BICRA: variants seen among roughly 807,000 people sequenced by gnomAD.
The protein encoded by BICRA is BRD4-interacting chromatin-remodeling complex-associated protein.
A neutral mutation model predicts 96.9 loss-of-function variants in BICRA; 31 were observed. That is an observed-to-expected ratio of 0.32 (90% confidence interval 0.24 to 0.43). The LOEUF is 0.43. BICRA is among the 20% of genes least tolerant of loss of function. The probability of loss-of-function intolerance (pLI) is 1.00; values close to 1 mark genes in which losing one functional copy is unlikely to be tolerated. For synonymous variants in BICRA, 1,350 were observed against 1,071.8 expected, an observed-to-expected ratio of 1.26 and a Z score of -5.07; for missense variants, 2,283 against 2,190.3, an observed-to-expected ratio of 1.04 and a Z score of -0.84.
chr19:47,608,716 G>A (rs1055952619), upstream of BICRA, among the ~76,000 whole-genome samples: 2 of 151,626 alleles, frequency 1.3e-5, no homozygotes, highest in African/African-American at 2.4e-5. Context: ...CCAGTCCCCG[G>A]ACGTCCGCAG....
Position 47,682,148 on chromosome 19 carries a change from C to A in BICRA, c.2279C>A (p.Pro760His), listed in dbSNP as rs747395182. Residue 760 changes from proline to histidine, a missense_variant, in exon 7 of 15, where the codon CCC becomes CAC. Coordinates refer to ENST00000594866, the MANE Select transcript of BICRA (RefSeq NM_001394372.1). ...AGCCAGGCTTCCCCGGCTCCGGCCC[C>A]CCAGGTAGAGGGACCCCAGCAGCCT... Reference protein sequence around the residue: ...PDSQASPAPAPQIPAAAPLKG... With the variant: ...PDSQASPAPAHQIPAAAPLKG... The A allele has an allele frequency of 6.9e-7, 1 of 1,445,974 alleles. No homozygotes were observed. 89.6% of individuals were successfully genotyped at this position (1,445,974 alleles called of 1,614,324 possible). A position where few individuals can be genotyped will look rare whatever the true frequency, so the allele number is the denominator to read the frequency against.
intron 9 of BICRA, 23 bp from the exon 10 acceptor site, chr19:47,695,342 T>TCGGGGGGGGGCCCCCC: frequency 4.8e-6 from 3 of 630,200 alleles, no homozygotes; most frequent in Non-Finnish European, 8.5e-6. Context: ...AGGCCCTGTC[T>TCGGGGGGGGGCCCCCC]CCCCCACCCC....
rs955087221 is a variant in BICRA at position 47,616,982 on chromosome 19, C to T, written c.-108+7814C>T. Among the ~76,000 whole-genome samples the T allele has an allele frequency of 4.6e-5, 7 of 152,006 alleles. No individual in the cohort carries two copies. In the East Asian group the frequency reaches 5.8e-4, roughly 13 times the overall value. The stretch of plus-strand genomic sequence containing the variant: ...TAGCTATGGCTACAGATGTGGGCCA[C>T]GACACCCAGCTAATTTTGTATATTT... On this transcript the variant is annotated intron_variant, in intron 1 of 14. Coordinates refer to ENST00000594866, the MANE Select transcript of BICRA (RefSeq NM_001394372.1).
chr19:47,669,181 G>A (rs1413691321), intron 1 of BICRA, among the ~76,000 whole-genome samples: 2 of 152,112 alleles, frequency 1.3e-5, no homozygotes, highest in Admixed American at 6.5e-5. Flanking sequence ...TAAGGGCAGT[G>A]AGGCTGTGAT....
chr19:47,624,733 C>T (rs558453846), intron 1 of BICRA, among the ~76,000 whole-genome samples: 34 of 151,564 alleles, frequency 2.2e-4, no homozygotes, highest in African/African-American at 8.0e-4. Flanking sequence ...CTCATTCTGT[C>T]GCCCAGGCTG....
chr19:47,647,699 T>C (rs1208114243), intron 1 of BICRA, among the ~76,000 whole-genome samples: 1 of 152,070 alleles, frequency 6.6e-6, no homozygotes, highest in Non-Finnish European at 1.5e-5. Context: ...CGCCTGCCTC[T>C]GTTGCTGGTT....
intron 1 of BICRA, among the ~76,000 whole-genome samples, chr19:47,635,484 C>T (rs1972287634): frequency 6.6e-6 from 1 of 151,636 alleles, no homozygotes; most frequent in Non-Finnish European, 1.5e-5. Flanking sequence ...AACTCCTGGG[C>T]TCAAGCTATC....
chr19:47,614,073 C>T lies in BICRA; in HGVS notation c.-108+4905C>T, dbSNP rs145523195. On this transcript the variant is annotated intron_variant, in intron 1 of 14. Transcript: ENST00000594866. ...CACAGTCCAGGAGGAGGAGAGAGAA[C>T]GGTTGGATTAGCCGCTGTGGGGTTT... is the stretch of plus-strand genomic sequence containing the variant. Among the ~76,000 whole-genome samples the T allele has an allele frequency of 3.8e-3, 576 of 151,730 alleles. 1 individual carries two copies. The highest frequency in any genetic ancestry group is 6.7e-3 in the Non-Finnish European group (453 of 67,956).
chr19:47,634,017 G>A (rs1350147805), intron 1 of BICRA, among the ~76,000 whole-genome samples: 1 of 152,228 alleles, frequency 6.6e-6, no homozygotes, highest in Non-Finnish European at 1.5e-5. Flanking sequence ...AGATCGTGGA[G>A]CCATGTGAAT....
intron 1 of BICRA, among the ~76,000 whole-genome samples, chr19:47,638,540 C>G (rs1228323397): frequency 6.6e-6 from 1 of 152,154 alleles, no homozygotes; most frequent in Non-Finnish European, 1.5e-5. Context: ...TTTGGGCCTC[C>G]TTTCAAAGAG....
chr19:47,687,492 C>G (rs1973176234), intron 7 of BICRA, among the ~76,000 whole-genome samples: 1 of 152,120 alleles, frequency 6.6e-6, no homozygotes, highest in South Asian at 2.1e-4. Flanking sequence ...TGTTAACAAA[C>G]AAAACTCCTA....
At chr19:47,619,199 T>TACATATATATATATAC (rs751345025) in intron 1 of BICRA, among the ~76,000 whole-genome samples, 1 of 33,852 alleles carries the variant, frequency 3.0e-5, no homozygotes, top group Admixed American at 3.9e-4. Context: ...TATGTATATA[T>TACATATATATATATAC]ACATATATAT....
At chr19:47,683,543 A>G (rs943989730) in intron 7 of BICRA, among the ~76,000 whole-genome samples, 3 of 150,948 alleles carry the variant, frequency 2.0e-5, no homozygotes, top group Admixed American at 6.6e-5. Flanking sequence ...AGTAATAACC[A>G]TTATGCTTAC....
chr19:47,630,356 T>A (rs932071674), intron 1 of BICRA, among the ~76,000 whole-genome samples: 5 of 151,726 alleles, frequency 3.3e-5, no homozygotes, highest in African/African-American at 4.8e-5. Flanking sequence ...TTTTTTTTAG[T>A]AGAGACGGGG....
Position 47,680,390 on chromosome 19 carries a change from A to G in BICRA, c.1220A>G (p.Gln407Arg). ...LTFMAAGKAG[Q>R]NVVLSGFPAP... ...TTCATGGCGGCGGGGAAGGCGGGCCAGAACGTGGTGCTGTCGGGCTTCCCC... is the reference window on the plus strand; with the variant it reads ...TTCATGGCGGCGGGGAAGGCGGGCCGGAACGTGGTGCTGTCGGGCTTCCCC... Residue 407 changes from glutamine (Q) to arginine (R), a missense_variant, in exon 6 of 15, where the codon CAG becomes CGG. Transcript: ENST00000594866. The G allele has an allele frequency of 1.3e-6, 2 of 1,532,682 alleles. No individual in the cohort carries two copies. Among genetic ancestry groups the G allele is most frequent in the Non-Finnish European group, 8.7e-7 (1 of 1,144,434 alleles). The allele number at this position is 1,532,682 out of a possible 1,614,324, so 94.9% of individuals were successfully genotyped here. A position where few individuals can be genotyped will look rare whatever the true frequency, so the allele number is the denominator to read the frequency against.
rs1973433556 is a variant in BICRA, at chr19:47,701,054, A to G, written c.3596-274A>G. 2 of 477,560 alleles carry G rather than the reference A, an allele frequency of 4.2e-6. No individual in the cohort carries two copies. Among genetic ancestry groups the G allele is most frequent in the African/African-American group, 2.0e-5 (1 of 49,742 alleles). 29.6% of individuals were successfully genotyped at this position (477,560 alleles called of 1,614,324 possible). ...TGGCCTCCCAAAGTGCTGGGATTAC[A>G]GGCCTGAGCCTTGTTTTGTATTCTC... On this transcript the variant is annotated intron_variant, in intron 14 of 14. Coordinates refer to ENST00000594866, the MANE Select transcript of BICRA (RefSeq NM_001394372.1). The surrounding 1 kb of genome is among the most constrained non-coding windows in gnomAD (Gnocchi z 5.4).
At chr19:47,694,855 C>A in intron 8 of BICRA, 45 bp from the exon 9 acceptor site, 1 of 1,397,356 alleles carries the variant, frequency 7.2e-7, no homozygotes, top group Non-Finnish European at 9.6e-7. Flanking sequence ...CACCCCTACA[C>A]CTAGCCTATG....
chr19:47,666,928 G>T (rs975135667), intron 1 of BICRA, among the ~76,000 whole-genome samples: 1 of 151,824 alleles, frequency 6.6e-6, no homozygotes. Flanking sequence ...ACACAAATCC[G>T]AGCTGTTAAA....
chr19:47,617,119 T>C (rs1042456531), intron 1 of BICRA, among the ~76,000 whole-genome samples: 2 of 151,844 alleles, frequency 1.3e-5, no homozygotes, highest in Non-Finnish European at 2.9e-5. Context: ...TGAGCCACCA[T>C]ACCAGGCCTA....
Sources: allele counts gnomAD v4.1 joint callset (sites outside exome capture counted in the v4.1 genomes callset), GRCh38; gene constraint gnomAD v4.1.1; non-coding constraint Gnocchi (gnomAD v3.1); transcripts MANE v1.5; gene names NCBI Gene and HGNC (gene_info 2026-07-23, HGNC 2026-07-21).